Variants in RPAP3 observed in about 807,000 individuals in gnomAD.
RPAP3 encodes the protein RNA polymerase II-associated protein 3.
RPAP3 carries 58 observed loss-of-function variants against 88.8 expected under a neutral mutation model. The observed-to-expected ratio is 0.65, with a 90% CI of 0.53 to 0.81. The LOEUF (loss-of-function observed/expected upper bound fraction) is 0.81. RPAP3 is among the 40% of genes least tolerant of loss of function. RPAP3 has a pLI of 0.00. For missense variants in RPAP3, 751 were observed against 764.3 expected (o/e 0.98, Z 0.20); for synonymous variants, 255 against 259.9 (o/e 0.98, Z 0.18).
intron 4 of RPAP3, among the ~76,000 whole-genome samples, chr12:47,696,948 A>G (rs1376735371): frequency 6.6e-6 from 1 of 152,202 alleles, no homozygotes; most frequent in East Asian, 1.9e-4. Flanking sequence ...GTAACTGTAC[A>G]TGGTCACTGT....
chr12:47,700,620 T>C (rs1325021015), intron 3 of RPAP3, among the ~76,000 whole-genome samples: 1 of 152,200 alleles, frequency 6.6e-6, no homozygotes, highest in Non-Finnish European at 1.5e-5. Flanking sequence ...TTTCACAGGC[T>C]GACACGACAG....
chr12:47,670,402 G>A (rs1324134282), intron 12 of RPAP3, 57 bp from the exon 13 acceptor site: 2 of 1,015,120 alleles, frequency 2.0e-6, no homozygotes, highest in African/African-American at 1.6e-5. Flanking sequence ...CCTATTTTAG[G>A]GTCACAAGTT....
At chr12:47,693,886 TA>T (rs1939474520) in intron 5 of RPAP3, among the ~76,000 whole-genome samples, 2 of 152,180 alleles carry the variant, frequency 1.3e-5, no homozygotes, top group South Asian at 4.1e-4. Flanking sequence ...AACAAAGACC[TA>T]CCAAACACAG....
At chr12:47,689,237 A>G (rs1306168871) in intron 6 of RPAP3, 42 bp from the exon 7 acceptor site, 2 of 795,914 alleles carry the variant, frequency 2.5e-6, no homozygotes, top group African/African-American at 3.6e-5. Context: ...AAAGATAGGT[A>G]ATATTTTAAA....
intron 16 of RPAP3, among the ~76,000 whole-genome samples, chr12:47,666,711 C>T (rs1938881299): frequency 6.6e-6 from 1 of 152,168 alleles, no homozygotes. Context: ...TTCTTAGCCT[C>T]TCTATACCTG....
At chr12:47,666,938 A>T (rs768562472) in intron 16 of RPAP3, 42 bp downstream of exon 16, 2 of 981,386 alleles carry the variant, frequency 2.0e-6, no homozygotes, top group Non-Finnish European at 3.0e-6. Context: ...TGAATACAGG[A>T]ATGTACAAAA....
chr12:47,684,125 T>C (rs1939278733), intron 9 of RPAP3, among the ~76,000 whole-genome samples: 1 of 152,208 alleles, frequency 6.6e-6, no homozygotes, highest in South Asian at 2.1e-4. Context: ...GATTATCTTC[T>C]TATTTCTTCA....
chr12:47,701,755 T>C (rs1385371347), intron 2 of RPAP3, 151 bp from the exon 3 acceptor site: 5 of 498,514 alleles, frequency 1.0e-5, no homozygotes, highest in African/African-American at 6.0e-5. Context: ...CCTTCACTTA[T>C]AACAATTATA....
chr12:47,684,487 G>A (rs982626357), intron 9 of RPAP3, among the ~76,000 whole-genome samples: 2 of 152,028 alleles, frequency 1.3e-5, no homozygotes, highest in African/African-American at 4.8e-5. Context: ...CACATAGTCC[G>A]TAATACATAA....
intron 9 of RPAP3, among the ~76,000 whole-genome samples, chr12:47,682,201 T>C (rs1939234990): frequency 1.3e-5 from 2 of 152,196 alleles, no homozygotes; most frequent in African/African-American, 4.8e-5. Flanking sequence ...TATTAACATT[T>C]ACCCACAGTA....
In RPAP3 at chr12:47,702,729, T is replaced by C; in HGVS notation, c.112A>G (p.Lys38Glu). The C allele has an allele frequency of 1.9e-6, 3 of 1,612,254 alleles. No homozygotes were observed. The highest frequency in any genetic ancestry group is 1.7e-6 in the Non-Finnish European group (2 of 1,178,976). The change falls in exon 2 of 17, where the codon AAG becomes GAG. Residue 38 changes from lysine (K) to glutamate (E), a missense_variant. Coordinates refer to ENST00000005386, the MANE Select transcript of RPAP3 (RefSeq NM_024604.3). ...LENWEKDIKQ[K>E]DMELRRQNGV... is the part of the protein sequence containing the mutation. ...TTCTGTCTTCTTAGTTCCATATCCTTTTGTTTAATGTCTTTTTCCCAGTTT... is the reference window on the plus strand; with the variant it reads ...TTCTGTCTTCTTAGTTCCATATCCTCTTGTTTAATGTCTTTTTCCCAGTTT...
chr12:47,666,641 G>C (rs866563427), intron 16 of RPAP3, among the ~76,000 whole-genome samples: 5 of 152,172 alleles, frequency 3.3e-5, no homozygotes, highest in African/African-American at 1.2e-4. Flanking sequence ...AGACTATGGA[G>C]TTGGACTGCC....
intron 5 of RPAP3, among the ~76,000 whole-genome samples, chr12:47,693,388 C>CA (rs1415425229): frequency 2.0e-5 from 3 of 152,160 alleles, no homozygotes; most frequent in Admixed American, 6.5e-5. Flanking sequence ...ATCACCATAA[C>CA]AGATACAATT....
At chr12:47,695,122 G>A (rs1045555832) in intron 5 of RPAP3, among the ~76,000 whole-genome samples, 1 of 151,876 alleles carries the variant, frequency 6.6e-6, no homozygotes, top group Non-Finnish European at 1.5e-5. Flanking sequence ...AAGGAGGGAA[G>A]AAAGAGTGGG....
chr12:47,670,379 A>G lies in RPAP3; in HGVS notation c.1288-34T>C. 2.4e-6 allele frequency: 3 copies of G among 1,255,614 alleles called. No individual in the cohort carries two copies. In the South Asian group the frequency reaches 3.8e-5, roughly 16 times the overall value. 77.8% of individuals were successfully genotyped at this position (1,255,614 alleles called of 1,614,324 possible). A position where few individuals can be genotyped will look rare whatever the true frequency, so the allele number is the denominator to read the frequency against. On this transcript the variant is annotated intron_variant, in intron 12 of 16. Coordinates refer to ENST00000005386, the MANE Select transcript of RPAP3 (RefSeq NM_024604.3). Reference sequence around the variant, plus strand: ...ATTAAAATCAATTCCTTAAATCAAAATATTAAAGGTTTCCTATTTTAGGGT... The same window carrying G: ...ATTAAAATCAATTCCTTAAATCAAAGTATTAAAGGTTTCCTATTTTAGGGT...
chr12:47,676,442 A>C (rs1244764261), intron 12 of RPAP3, among the ~76,000 whole-genome samples: 1 of 152,218 alleles, frequency 6.6e-6, no homozygotes, highest in Admixed American at 6.5e-5. Flanking sequence ...CCTTCAAAAC[A>C]TCAATGAATC....
chr12:47,690,780 T>G, intron 5 of RPAP3, 141 bp from the exon 6 acceptor site: 1 of 488,814 alleles, frequency 2.0e-6, no homozygotes, highest in South Asian at 4.2e-5. Context: ...TTTCAGTTAA[T>G]TAAGCATAAT....
rs975991707 is a variant in RPAP3, at chr12:47,681,710, T to C, written c.1100A>G (p.Asn367Ser). The change falls in exon 10 of 17, where the codon AAT (asparagine) becomes AGT (serine). Residue 367 changes from asparagine to serine, a missense_variant. Asn to Ser is a conservative substitution (Grantham distance 46). Coordinates refer to ENST00000005386, the MANE Select transcript of RPAP3 (RefSeq NM_024604.3). ...GTARTFLGKL[N>S]EAKQDFETVL... is the part of the protein sequence containing the mutation. ...TAAAGTCTTACCTTGTTTTGCCTCA[T>C]TTAGCTTTCCCAAAAATGTTCTTGC... 2.5e-6 allele frequency: 4 copies of C among 1,612,456 alleles called. No individual in the cohort carries two copies. The highest frequency in any genetic ancestry group is 3.4e-6 in the Non-Finnish European group (4 of 1,179,324).
rs201082263 is a variant in RPAP3, at chr12:47,669,909, TAA to T, written c.1526+196_1526+197del. Among the ~76,000 whole-genome samples, 3 of 149,070 alleles carry T rather than the reference TAA, an allele frequency of 2.0e-5. No homozygotes were observed. In the South Asian group the frequency reaches 6.4e-4, roughly 32 times the overall value. ...TTATCTTTAAATTTCACACTGTGGT[TAA>T]AAAAAAAATAGTAATCATTCTTTAA... On this transcript the variant is annotated intron_variant, in intron 13 of 16. Transcript: ENST00000005386.
Sources: allele counts gnomAD v4.1 joint callset (sites outside exome capture counted in the v4.1 genomes callset), GRCh38; gene constraint gnomAD v4.1.1; transcripts MANE v1.5; gene names NCBI Gene and HGNC (gene_info 2026-07-23, HGNC 2026-07-21).